The following ADORA2B variants were observed in gnomAD, a reference collection of about 807,000 sequenced individuals.
ADORA2B encodes adenosine A2b receptor, also known as adenosine receptor A2b.
In ADORA2B, 18 loss-of-function variants were observed where a neutral mutation model predicts 20.8. That is an observed-to-expected ratio of 0.87 (90% CI 0.60 to 1.29). The LOEUF (loss-of-function observed/expected upper bound fraction) is 1.29. Ranked by LOEUF, ADORA2B falls within the 50% of genes most tolerant of loss-of-function variation. ADORA2B has a pLI of 0.00. For missense variants in ADORA2B, 441 were observed against 422.7 expected (o/e 1.04, Z -0.38); for synonymous variants, 179 against 178.3 (o/e 1.00, Z -0.03).
the ADORA2B span, among the ~76,000 whole-genome samples, chr17:15,895,543 A>G: frequency 6.6e-6 from 1 of 152,186 alleles, no homozygotes; most frequent in Non-Finnish European, 1.5e-5. Flanking sequence ...TCCATGATCC[A>G]TGCCATCTAA....
At chr17:15,934,243 T>A in the ADORA2B span, among the ~76,000 whole-genome samples, 2 of 152,310 alleles carry the variant, frequency 1.3e-5, no homozygotes, top group Admixed American at 1.3e-4. Flanking sequence ...TTTTTTATTT[T>A]TTTGAGATGG....
chr17:15,951,892 G>T (rs1969907963), intron 1 of ADORA2B, among the ~76,000 whole-genome samples: 1 of 152,218 alleles, frequency 6.6e-6, no homozygotes, highest in African/African-American at 2.4e-5. Context: ...CCTGCCCTGA[G>T]ACCGGAGCCT....
the ADORA2B span, among the ~76,000 whole-genome samples, chr17:15,907,311 G>C: frequency 6.6e-6 from 1 of 151,806 alleles, no homozygotes; most frequent in Non-Finnish European, 1.5e-5. Context: ...TAATTTTTTA[G>C]CATCACCAGG....
the ADORA2B span, among the ~76,000 whole-genome samples, chr17:15,871,171 CTA>C: frequency 6.6e-6 from 1 of 152,282 alleles, no homozygotes; most frequent in African/African-American, 2.4e-5. Flanking sequence ...AGGTATGAAA[CTA>C]TGAGGAATAA....
chr17:15,941,657 G>A (rs769184554), upstream of ADORA2B, among the ~76,000 whole-genome samples: 52 of 151,754 alleles, frequency 3.4e-4, no homozygotes, highest in Non-Finnish European at 5.9e-4. Context: ...GAGCCCAGGA[G>A]GTTGAGGCTG....
chr17:15,947,390 C>T (rs140129821), intron 1 of ADORA2B, among the ~76,000 whole-genome samples: 2 of 152,192 alleles, frequency 1.3e-5, no homozygotes, highest in Non-Finnish European at 2.9e-5. Context: ...CAGGAAGTTC[C>T]ATGAAAGTTT....
At chr17:15,918,680 C>G in the ADORA2B span, among the ~76,000 whole-genome samples, 1 of 152,138 alleles carries the variant, frequency 6.6e-6, no homozygotes, top group African/African-American at 2.4e-5. Flanking sequence ...CCATGTTGGC[C>G]AGGCTGGTCT....
At chr17:15,915,428 C>G in the ADORA2B span, among the ~76,000 whole-genome samples, 99 of 152,214 alleles carry the variant, frequency 6.5e-4, no homozygotes, top group Non-Finnish European at 1.3e-3. Flanking sequence ...TCCAGGGACT[C>G]AGGAGTGGAC....
chr17:15,880,348 G>A, the ADORA2B span, among the ~76,000 whole-genome samples: 1 of 134,512 alleles, frequency 7.4e-6, no homozygotes, highest in African/African-American at 2.8e-5. Flanking sequence ...TAATCTTGAA[G>A]TATACATTTT....
At chr17:15,870,319 T>A in the ADORA2B span, among the ~76,000 whole-genome samples, 1 of 150,020 alleles carries the variant, frequency 6.7e-6, no homozygotes, top group Non-Finnish European at 1.5e-5. Context: ...TAGATGAAGA[T>A]ACATGCAAGT....
Position 15,967,979 on chromosome 17 carries a change from G to A in ADORA2B, c.336-6700G>A, listed in dbSNP as rs915657906. ...CCAATGCTTCTTGGCCTCTCTGTGC[G>A]GCTCCTTCTAGGGGAGGGGCAGGAC... On this transcript the variant is annotated intron_variant, in intron 1 of 1. Transcript: ENST00000304222. Among the ~76,000 whole-genome samples the A allele has an allele frequency of 3.3e-5, 5 of 152,302 alleles. No homozygotes were observed. The Middle Eastern group carries it at 0.01, about 311-fold the overall frequency.
intron 1 of ADORA2B, among the ~76,000 whole-genome samples, chr17:15,958,032 T>C (rs1189197325): frequency 1.3e-5 from 2 of 152,002 alleles, no homozygotes; most frequent in Non-Finnish European, 2.9e-5. Context: ...TTTTTTTTTT[T>C]TCTTGAGACA....
chr17:15,959,794 C>T (rs1445297517), intron 1 of ADORA2B, among the ~76,000 whole-genome samples: 2 of 152,212 alleles, frequency 1.3e-5, no homozygotes, highest in African/African-American at 4.8e-5. Flanking sequence ...AGCCACTGTG[C>T]CTAGCCACAT....
At chr17:15,918,824 C>T in the ADORA2B span, among the ~76,000 whole-genome samples, 1 of 152,188 alleles carries the variant, frequency 6.6e-6, no homozygotes. Context: ...GGGACAGACT[C>T]AGGAATTATT....
the ADORA2B span, among the ~76,000 whole-genome samples, chr17:15,893,819 T>C: frequency 6.6e-6 from 1 of 152,210 alleles, no homozygotes. Context: ...GGTTTGTTTA[T>C]TTTACTACAA....
At chr17:15,948,764 G>T (rs1467017373) in intron 1 of ADORA2B, among the ~76,000 whole-genome samples, 1 of 152,132 alleles carries the variant, frequency 6.6e-6, no homozygotes, top group African/African-American at 2.4e-5. Flanking sequence ...ACCCTGCCCA[G>T]TCACCCTCTC....
chr17:15,947,633 C>T (rs1034785410), intron 1 of ADORA2B, among the ~76,000 whole-genome samples: 1 of 152,192 alleles, frequency 6.6e-6, no homozygotes, highest in African/African-American at 2.4e-5. Context: ...CAGAGTTAGT[C>T]GTCTGACCTG....
the ADORA2B span, among the ~76,000 whole-genome samples, chr17:15,933,811 C>G: frequency 1.3e-5 from 2 of 151,632 alleles, no homozygotes; most frequent in Non-Finnish European, 2.9e-5. Flanking sequence ...TTTAGTTCTC[C>G]TTTCTAATCT....
chr17:15,890,840 A>T, the ADORA2B span, among the ~76,000 whole-genome samples: 7 of 152,322 alleles, frequency 4.6e-5, no homozygotes, highest in South Asian at 1.2e-3. Context: ...GGAGGATGCT[A>T]TGAAGAGAGG....
Sources: allele counts gnomAD v4.1 joint callset (sites outside exome capture counted in the v4.1 genomes callset), GRCh38; gene constraint gnomAD v4.1.1; transcripts MANE v1.5; gene names NCBI Gene and HGNC (gene_info 2026-07-23, HGNC 2026-07-21).